The following DMD variants were observed in gnomAD, a reference collection of about 807,000 sequenced individuals.
The protein encoded by DMD is mutant dystrophin.
DMD carries 63 observed loss-of-function variants against 330.1 expected under a neutral mutation model. The observed-to-expected ratio is 0.19, with a 90% CI of 0.16 to 0.24. The LOEUF is 0.24. Among genes scored for constraint, DMD ranks in the 10% least tolerant of loss-of-function variants. The pLI, the probability that DMD is intolerant of heterozygous loss-of-function variation, is 1.00. For synonymous variants in DMD, 1,223 were observed against 959.8 expected, an observed-to-expected ratio of 1.27 and a Z score of -5.07; for missense variants, 3,344 against 2,684.1, an observed-to-expected ratio of 1.25 and a Z score of -5.43.
chrX:32,668,325 T>A (rs1294752539), intron 9 of DMD, among the ~76,000 whole-genome samples: 1 of 112,349 alleles, frequency 8.9e-6, no homozygotes, highest in African/African-American at 3.2e-5. Context: ...GCCTATCAAC[T>A]TTGTGGACTG....
At chrX:32,271,859 AC>A (rs1237725904) in intron 43 of DMD, among the ~76,000 whole-genome samples, 2 of 111,982 alleles carry the variant, frequency 1.8e-5, no homozygotes, top group Middle Eastern at 4.6e-3. Context: ...AAGGAAATTT[AC>A]CCTGCATTAA....
At chrX:33,045,757 G>A (rs1263871692) in intron 1 of DMD, among the ~76,000 whole-genome samples, 2 of 111,357 alleles carry the variant, frequency 1.8e-5, no homozygotes, top group East Asian at 5.7e-4. Flanking sequence ...AGGAGGTTCT[G>A]GAGCTGCTGA....
chrX:31,521,324 G>A (rs1003370045), intron 55 of DMD, among the ~76,000 whole-genome samples: 1 of 110,248 alleles, frequency 9.1e-6, no homozygotes, highest in Non-Finnish European at 1.9e-5. Context: ...CACCATGCCC[G>A]GCCAGTTTTT....
In DMD at chrX:31,859,788, T is replaced by C. The variant is rs566962437; in HGVS notation, c.7098+15400A>G. 1.8e-3 allele frequency among the ~76,000 whole-genome samples: 208 copies of C among 112,600 alleles called. 2 individuals carry two copies. The highest frequency in any genetic ancestry group is 6.5e-3 in the African/African-American group (202 of 31,023). ...ATTGTGTTGTTTTAAGTATTGCAAA[T>C]TGCAAGTGCAGAGCATGTCTGAATG... On this transcript the variant is annotated intron_variant, in intron 48 of 78. Coordinates refer to ENST00000357033, the MANE Select transcript of DMD (RefSeq NM_004006.3).
chrX:31,120,929 T>TATTC lies in DMD; in HGVS notation c.*986_*989dup, dbSNP rs2032355984. On this transcript the variant is annotated 3_prime_UTR_variant, in exon 79 of 79. Coordinates refer to ENST00000357033, the MANE Select transcript of DMD (RefSeq NM_004006.3). ...TCACTCTGATATAATAAGTCCTGTG[T>TATTC]ATTCATTCACATGTTCCCTTTAAAA... The TATTC allele has an allele frequency of 9.0e-6, 1 of 111,572 alleles. No individual in the cohort carries two copies. Among genetic ancestry groups the TATTC allele is most frequent in the African/African-American group, 3.3e-5 (1 of 30,470 alleles). The allele number at this position is 111,572 out of a possible 1,213,427, so 9.2% of individuals were successfully genotyped here.
chrX:32,276,291 G>A (rs2097386745), intron 43 of DMD, among the ~76,000 whole-genome samples: 2 of 112,353 alleles, frequency 1.8e-5, no homozygotes, highest in African/African-American at 6.5e-5. Context: ...AACCTGAGAG[G>A]CAGTCTGGGA....
intron 1 of DMD, among the ~76,000 whole-genome samples, chrX:33,103,250 C>T (rs917841274): frequency 1.4e-4 from 16 of 111,616 alleles, no homozygotes; most frequent in African/African-American, 5.2e-4. Context: ...TTCTAGAGTA[C>T]TTTGATGTGT....
chrX:32,266,092 C>A (rs1683033668), intron 43 of DMD, among the ~76,000 whole-genome samples: 1 of 111,856 alleles, frequency 8.9e-6, no homozygotes, highest in South Asian at 3.7e-4. Flanking sequence ...TTCCTGTAAT[C>A]CCCATGTGTC....
chrX:32,096,566 CA>C (rs768098478), intron 44 of DMD, among the ~76,000 whole-genome samples: 1,594 of 94,479 alleles, frequency 0.017, 23 homozygotes, highest in African/African-American at 0.036. Context: ...TAAAAAAATA[CA>C]AAAAAAAAAA....
At chrX:31,975,773 T>A (rs1332512614) in intron 44 of DMD, among the ~76,000 whole-genome samples, 2 of 112,351 alleles carry the variant, frequency 1.8e-5, no homozygotes, top group African/African-American at 6.5e-5. Flanking sequence ...TGGAGCCACA[T>A]AAATACTTCT....
At chrX:31,144,056 A>C (rs777248392) in intron 76 of DMD, among the ~76,000 whole-genome samples, 13 of 111,671 alleles carry the variant, frequency 1.2e-4, no homozygotes, top group Non-Finnish European at 2.1e-4. Flanking sequence ...AGGTGTAGTA[A>C]ATTCAGGAAA....
chrX:32,010,622 T>C (rs771116947), intron 44 of DMD, among the ~76,000 whole-genome samples: 8 of 111,651 alleles, frequency 7.2e-5, no homozygotes, highest in Admixed American at 1.9e-4. Flanking sequence ...CCACCTTGCC[T>C]TGAAAATTTC....
chrX:32,989,722 G>A (rs2092929483), intron 2 of DMD, among the ~76,000 whole-genome samples: 1 of 111,104 alleles, frequency 9.0e-6, no homozygotes, highest in African/African-American at 3.3e-5. Context: ...AGTTCTGGGA[G>A]GCCATAATTT....
intron 19 of DMD, among the ~76,000 whole-genome samples, chrX:32,494,574 G>T (rs1406426927): frequency 9.0e-6 from 1 of 110,827 alleles, no homozygotes; most frequent in East Asian, 2.8e-4. Flanking sequence ...GACCTCATAG[G>T]ATACTTACCA....
intron 44 of DMD, among the ~76,000 whole-genome samples, chrX:32,006,175 C>T (rs143664920): frequency 0.012 from 1,307 of 111,630 alleles, 22 homozygotes; most frequent in African/African-American, 0.039. Context: ...ATTCTTCCAA[C>T]AGCTATATAT....
chrX:31,561,383 G>A (rs909536034), intron 55 of DMD, among the ~76,000 whole-genome samples: 1 of 111,244 alleles, frequency 9.0e-6, no homozygotes, highest in Non-Finnish European at 1.9e-5. Flanking sequence ...GAAAGAACAG[G>A]AAGGGAGGTA....
chrX:32,414,774 A>C (rs1273672026), intron 29 of DMD, among the ~76,000 whole-genome samples: 1 of 112,288 alleles, frequency 8.9e-6, no homozygotes, highest in Non-Finnish European at 1.9e-5. Flanking sequence ...AAAGTGTCAG[A>C]ATGGGGGTGG....
chrX:32,335,169 A>T (rs773211124), intron 41 of DMD, among the ~76,000 whole-genome samples: 2 of 109,887 alleles, frequency 1.8e-5, no homozygotes, highest in Non-Finnish European at 3.8e-5. Flanking sequence ...TTCACAATAT[A>T]TAGGTGTTTA....
intron 43 of DMD, among the ~76,000 whole-genome samples, chrX:32,220,244 C>T (rs1414366886): frequency 8.9e-6 from 1 of 111,737 alleles, no homozygotes. Context: ...ATAATCCAAA[C>T]TTTTGCATCC....
Sources: gnomAD v4.1 joint callset for allele counts (sites outside exome capture counted in the v4.1 genomes callset) on GRCh38, gnomAD v4.1.1 for gene constraint, MANE v1.5 for transcripts, NCBI Gene and HGNC (gene_info 2026-07-23, HGNC 2026-07-21) for gene names.